The following NRG3 variants were observed in gnomAD, a reference collection of about 807,000 sequenced individuals.
NRG3 encodes the protein neuregulin 3.
A neutral mutation model predicts 66.9 loss-of-function variants in NRG3; 31 were observed. That is an observed-to-expected ratio of 0.46 (90% CI 0.35 to 0.63). The LOEUF is 0.63. NRG3 is among the 20% of genes least tolerant of loss of function. The pLI is 0.00. For synonymous variants in NRG3, 393 were observed against 359.4 expected (o/e 1.09, Z -1.06); for missense variants, 910 against 878.9 (o/e 1.04, Z -0.45).
chr10:82,430,627 C>T (rs193121295), intron 2 of NRG3, among the ~76,000 whole-genome samples: 27 of 152,230 alleles, frequency 1.8e-4, no homozygotes, highest in Non-Finnish European at 3.5e-4. Flanking sequence ...AAATACCCCT[C>T]CCCTTTTGCT....
Position 82,169,610 on chromosome 10 carries a change from A to C in NRG3, c.824-189129A>C, listed in dbSNP as rs2072397157. Among the ~76,000 whole-genome samples the C allele has an allele frequency of 2.6e-5, 4 of 151,744 alleles. No individual in the cohort carries two copies. The South Asian group carries it at 8.3e-4, about 32-fold the overall frequency. On this transcript the variant is annotated intron_variant, in intron 1 of 8. Transcript: ENST00000372141. ...TTCCAGTGTAAATTTTGATTCTACAATTTGATTTGTACTCTTCCTTAAAAT... is the reference window on the plus strand; with the variant it reads ...TTCCAGTGTAAATTTTGATTCTACACTTTGATTTGTACTCTTCCTTAAAAT...
intron 1 of NRG3, among the ~76,000 whole-genome samples, chr10:82,133,444 T>A (rs1373817088): frequency 6.6e-6 from 1 of 152,116 alleles, no homozygotes; most frequent in East Asian, 1.9e-4. Context: ...CCCGTGCCTG[T>A]TGTTTCCTTC....
chr10:82,710,171 C>T (rs1412651735), intron 2 of NRG3, among the ~76,000 whole-genome samples: 1 of 152,156 alleles, frequency 6.6e-6, no homozygotes. Context: ...CTTTGTTGGA[C>T]ATATAGCAAG....
intron 2 of NRG3, among the ~76,000 whole-genome samples, chr10:82,493,981 T>G (rs1197748871): frequency 2.0e-5 from 3 of 152,068 alleles, no homozygotes; most frequent in Non-Finnish European, 4.4e-5. Context: ...AATAAACATA[T>G]GACAAAAAGT....
chr10:82,059,608 T>C (rs528211924), intron 1 of NRG3, among the ~76,000 whole-genome samples: 2 of 152,284 alleles, frequency 1.3e-5, no homozygotes, highest in South Asian at 2.1e-4. Flanking sequence ...CATCCTCTCA[T>C]TTCCATTCCC....
intron 4 of NRG3, among the ~76,000 whole-genome samples, chr10:82,884,587 C>T (rs930613036): frequency 1.1e-4 from 17 of 152,172 alleles, no homozygotes; most frequent in Admixed American, 2.6e-4. Context: ...ACTGGTATTT[C>T]TGTAAAATTG....
intron 1 of NRG3, among the ~76,000 whole-genome samples, chr10:81,936,893 A>G (rs1158651348): frequency 6.6e-6 from 1 of 152,192 alleles, no homozygotes; most frequent in Non-Finnish European, 1.5e-5. Context: ...TGTGTACAGT[A>G]CACTAATGTT....
chr10:81,918,974 A>AACACACACACACACAC lies in NRG3; in HGVS notation c.823+42817_823+42832dup, dbSNP rs542060517. On this transcript the variant is annotated intron_variant, in intron 1 of 8. Transcript: ENST00000372141. ...ATTAACTACTATTGCATCATAACAA[A>AACACACACACACACAC]ACACACACACACACACACACATACA... 2.5e-3 allele frequency among the ~76,000 whole-genome samples: 368 copies of AACACACACACACACAC among 150,154 alleles called. 3 individuals are homozygous for AACACACACACACACAC. The highest frequency in any genetic ancestry group is 8.5e-3 in the African/African-American group (346 of 40,868).
At chr10:82,911,035 A>G (rs1196643170) in intron 4 of NRG3, among the ~76,000 whole-genome samples, 2 of 152,246 alleles carry the variant, frequency 1.3e-5, no homozygotes, top group African/African-American at 4.8e-5. Context: ...CTTTACAAAA[A>G]TCATTGTCAT....
chr10:82,678,835 A>G (rs952832102), intron 2 of NRG3, among the ~76,000 whole-genome samples: 3 of 152,130 alleles, frequency 2.0e-5, no homozygotes, highest in Non-Finnish European at 4.4e-5. Flanking sequence ...TCCTTTCCTC[A>G]GAAGAGTGTT....
intron 3 of NRG3, among the ~76,000 whole-genome samples, chr10:82,796,824 T>C (rs1178495661): frequency 6.6e-6 from 1 of 151,796 alleles, no homozygotes. Flanking sequence ...GGGGTAAAAA[T>C]AAATCTTGGT....
chr10:82,784,230 C>T lies in NRG3; in HGVS notation c.1027+45580C>T, dbSNP rs796503810. Among the ~76,000 whole-genome samples, 95 of 151,778 alleles carry T rather than the reference C, an allele frequency of 6.3e-4. 1 individual carries two copies. The East Asian group carries it at 0.015, about 25-fold the overall frequency. On this transcript the variant is annotated intron_variant, in intron 3 of 8. Transcript: ENST00000372141. ...ATTCAAGATGGATTAAAGACTTAAA[C>T]GTTAGACCTAAAACCATAAAAACCC...
At chr10:82,166,208 G>T (rs1448050985) in intron 1 of NRG3, among the ~76,000 whole-genome samples, 1 of 151,990 alleles carries the variant, frequency 6.6e-6, no homozygotes, top group Non-Finnish European at 1.5e-5. Context: ...TTTTAGTAGA[G>T]ATAGGGTTTC....
intron 1 of NRG3, among the ~76,000 whole-genome samples, chr10:82,323,541 C>T (rs1342412393): frequency 2.1e-5 from 3 of 145,444 alleles, no homozygotes; most frequent in Non-Finnish European, 3.0e-5. Flanking sequence ...AGATTTTTTG[C>T]ATCTATGTTT....
intron 1 of NRG3, among the ~76,000 whole-genome samples, chr10:81,922,233 C>T (rs891520796): frequency 6.6e-6 from 1 of 152,186 alleles, no homozygotes; most frequent in Non-Finnish European, 1.5e-5. Context: ...CTAACTTGAT[C>T]GTTTTTTAAC....
chr10:82,467,457 T>C (rs1840796798), intron 2 of NRG3, among the ~76,000 whole-genome samples: 1 of 152,166 alleles, frequency 6.6e-6, no homozygotes, highest in Admixed American at 6.5e-5. Context: ...ATGTTTTCCT[T>C]TGATCTGAAG....
chr10:82,209,722 T>C (rs1438776646), intron 1 of NRG3, among the ~76,000 whole-genome samples: 4 of 152,178 alleles, frequency 2.6e-5, no homozygotes, highest in Non-Finnish European at 5.9e-5. Context: ...GAATGTACTT[T>C]TCTTTATTTG....
At chr10:82,937,373 C>T (rs4603242) in intron 4 of NRG3, among the ~76,000 whole-genome samples, 133,405 of 152,208 alleles carry the variant, frequency 0.88, 58,565 homozygotes, top group Middle Eastern at 0.93. Flanking sequence ...GAGTCATAGA[C>T]AGGTTAAATA....
intron 1 of NRG3, among the ~76,000 whole-genome samples, chr10:82,134,555 G>T (rs1192550755): frequency 5.3e-5 from 8 of 152,050 alleles, no homozygotes; most frequent in Admixed American, 5.2e-4. Context: ...CTGTGTTGAA[G>T]ATCAGGTGGT....
Sources: allele counts gnomAD v4.1 joint callset (sites outside exome capture counted in the v4.1 genomes callset), GRCh38; gene constraint gnomAD v4.1.1; transcripts MANE v1.5; gene names NCBI Gene and HGNC (gene_info 2026-07-23, HGNC 2026-07-21).